Variants in PODXL observed in about 807,000 individuals in gnomAD.
The protein encoded by PODXL is podocalyxin.
Under a neutral mutation model 48.9 loss-of-function variants are expected in PODXL, and 20 were observed. The observed-to-expected ratio is 0.41, with a 90% confidence interval of 0.29 to 0.59. The LOEUF is 0.59. Ranked by LOEUF, PODXL falls within the 20% of genes least tolerant of loss-of-function variation. The pLI, the probability that PODXL is intolerant of heterozygous loss-of-function variation, is 0.31. For missense variants in PODXL, 606 were observed against 675.1 expected (o/e 0.90, Z 1.13); for synonymous variants, 295 against 287.4 (o/e 1.03, Z -0.27).
chr7:131,502,380 C>T lies in PODXL; in HGVS notation c.*1931G>A, dbSNP rs559174485. On this transcript the variant is annotated 3_prime_UTR_variant, in exon 9 of 9. Transcript: ENST00000378555. The stretch of plus-strand genomic sequence containing the variant: ...ACTTGTTAGCCTCGCATCCCTCTAA[C>T]TCCTGGGAAACTCGCTGGGGCCCTA... The T allele has an allele frequency of 6.6e-6, 1 of 152,420 alleles. No individual in the cohort carries two copies. Among genetic ancestry groups the T allele is most frequent in the South Asian group, 2.1e-4 (1 of 4,828 alleles). The allele number at this position is 152,420 out of a possible 1,614,324, so 9.4% of individuals were successfully genotyped here.
chr7:131,542,880 G>A (rs1194157880), intron 1 of PODXL, among the ~76,000 whole-genome samples: 3 of 152,112 alleles, frequency 2.0e-5, no homozygotes, highest in Non-Finnish European at 4.4e-5. Context: ...ATCCTGGTCC[G>A]AGGAGCTGTC....
At chr7:131,530,354 C>T (rs944907811) in intron 1 of PODXL, among the ~76,000 whole-genome samples, 7 of 152,056 alleles carry the variant, frequency 4.6e-5, no homozygotes, top group Admixed American at 2.0e-4. Flanking sequence ...TGCCCTCTCT[C>T]GCCCCTGCAT....
At position 131,506,607 on chromosome 7, in the gene PODXL, G is replaced by A. The variant is rs113941139; in HGVS notation, c.1221C>T (p.Thr407=). 39 of 1,614,138 alleles carry A rather than the reference G, an allele frequency of 2.4e-5. No homozygotes were observed. The highest frequency in any genetic ancestry group is 1.8e-4 in the South Asian group (16 of 91,082). ...IRLASVPGSQ[T]VVVKEITIHT... ...GAATAGTGATTTCTTTGACGACCACGGTCTGACTTCCTGGAACAGATGCCA... is the reference window on the plus strand; with the variant it reads ...GAATAGTGATTTCTTTGACGACCACAGTCTGACTTCCTGGAACAGATGCCA... The change falls in exon 6 of 9, where the codon ACC becomes ACT. Residue 407 remains threonine, a synonymous_variant. Coordinates refer to ENST00000378555, the MANE Select transcript of PODXL (RefSeq NM_001018111.3).
intron 1 of PODXL, among the ~76,000 whole-genome samples, chr7:131,514,369 T>C (rs1322080556): frequency 1.3e-5 from 2 of 152,062 alleles, no homozygotes; most frequent in Non-Finnish European, 2.9e-5. Context: ...GCCAAGATTG[T>C]GCCACTGCAC....
Position 131,539,058 on chromosome 7 carries a change from T to C in PODXL, c.100+17202A>G, listed in dbSNP as rs555918073. On this transcript the variant is annotated intron_variant, in intron 1 of 8. Coordinates refer to ENST00000378555, the MANE Select transcript of PODXL (RefSeq NM_001018111.3). ...GGACAGGGCTGATGCCTGGATGCCT[T>C]CGCTAACCTCGCCTGCCCAAGATGG... Among the ~76,000 whole-genome samples the C allele has an allele frequency of 9.8e-5, 15 of 152,288 alleles. No homozygotes were observed. In the South Asian group the frequency reaches 3.1e-3, roughly 32 times the overall value.
chr7:131,510,777 C>A lies in PODXL; in HGVS notation c.706+51G>T, dbSNP rs749241025. 3.1e-6 allele frequency: 5 copies of A among 1,608,852 alleles called. No homozygotes were observed. The East Asian group carries it at 1.1e-4, about 36-fold the overall frequency. ...CATGAGCCTTTTCAGAGCCATCACG[C>A]CTGGCCCTGAAAAGTTTCTTGGTGC... On this transcript the variant is annotated intron_variant, in intron 2 of 8. Coordinates refer to ENST00000378555, the MANE Select transcript of PODXL (RefSeq NM_001018111.3).
At chr7:131,554,212 G>C (rs560731811) in intron 1 of PODXL, among the ~76,000 whole-genome samples, 1 of 152,098 alleles carries the variant, frequency 6.6e-6, no homozygotes, top group African/African-American at 2.4e-5. Context: ...GTCCCTAGAG[G>C]GTGGTGTAGA....
chr7:131,518,315 T>C (rs747769460), intron 1 of PODXL, among the ~76,000 whole-genome samples: 24 of 152,312 alleles, frequency 1.6e-4, no homozygotes, highest in Non-Finnish European at 2.8e-4. Flanking sequence ...GAGAAAGTAA[T>C]GTATTAAAAA....
chr7:131,506,840 C>T (rs1797814407), intron 5 of PODXL, 114 bp from the exon 6 acceptor site: 3 of 1,155,504 alleles, frequency 2.6e-6, no homozygotes, highest in Admixed American at 1.9e-5. Flanking sequence ...TAGAACCTGC[C>T]TCCCTCTCTA....
chr7:131,551,529 C>T (rs1288833359), intron 1 of PODXL, among the ~76,000 whole-genome samples: 2 of 152,194 alleles, frequency 1.3e-5, no homozygotes, highest in Admixed American at 1.3e-4. Flanking sequence ...CTGAAGAGGG[C>T]CTCTGCCTCA....
At chr7:131,540,831 G>A (rs1466378052) in intron 1 of PODXL, among the ~76,000 whole-genome samples, 1 of 152,216 alleles carries the variant, frequency 6.6e-6, no homozygotes, top group East Asian at 1.9e-4. Flanking sequence ...GAGCCAGAGG[G>A]AAGTCCCGCA....
intron 1 of PODXL, among the ~76,000 whole-genome samples, chr7:131,540,456 C>T (rs1276427161): frequency 6.6e-6 from 1 of 151,904 alleles, no homozygotes; most frequent in Non-Finnish European, 1.5e-5. Flanking sequence ...AGTGTTCTAC[C>T]CTGCCCCCGC....
intron 1 of PODXL, among the ~76,000 whole-genome samples, chr7:131,534,628 G>A (rs1176436798): frequency 6.6e-6 from 1 of 152,222 alleles, no homozygotes; most frequent in East Asian, 1.9e-4. Context: ...CCTCCTCAGG[G>A]AAATGAAGCT....
intron 1 of PODXL, among the ~76,000 whole-genome samples, chr7:131,517,463 C>T (rs540356610): frequency 2.0e-4 from 30 of 152,310 alleles, no homozygotes; most frequent in African/African-American, 6.5e-4. Context: ...TCCCAGAACT[C>T]GATGTTTTCA....
Position 131,510,813 on chromosome 7 carries a change from C to G in PODXL, c.706+15G>C, listed in dbSNP as rs748954457. On this transcript the variant is annotated intron_variant, in intron 2 of 8. Coordinates refer to ENST00000378555, the MANE Select transcript of PODXL (RefSeq NM_001018111.3). ...AAAGTTTCTTGGTGCTTGAAGAAAA[C>G]CAGGCATTACTTACGTAGGGTGGTG... The G allele has an allele frequency of 1.2e-6, 2 of 1,613,880 alleles. No individual in the cohort carries two copies. Among genetic ancestry groups the G allele is most frequent in the Non-Finnish European group, 1.7e-6 (2 of 1,179,968 alleles).
intron 1 of PODXL, among the ~76,000 whole-genome samples, chr7:131,530,642 G>A (rs1469739545): frequency 1.3e-5 from 2 of 151,662 alleles, no homozygotes; most frequent in African/African-American, 4.9e-5. Flanking sequence ...AGCTACTCAC[G>A]ATGAGGTAGG....
intron 1 of PODXL, among the ~76,000 whole-genome samples, chr7:131,526,238 G>T (rs1392828239): frequency 2.0e-5 from 3 of 152,136 alleles, no homozygotes; most frequent in Non-Finnish European, 2.9e-5. Flanking sequence ...GAAGAGGAAG[G>T]CAAGTTCAGC....
At chr7:131,520,173 C>T (rs555434099) in intron 1 of PODXL, 5 of 261,602 alleles carry the variant, frequency 1.9e-5, no homozygotes, top group South Asian at 1.5e-4. Context: ...GAAGAAAGGC[C>T]GTTCTACCAT....
At chr7:131,508,511 C>T (rs1263165343) in intron 5 of PODXL, among the ~76,000 whole-genome samples, 1 of 152,172 alleles carries the variant, frequency 6.6e-6, no homozygotes, top group Non-Finnish European at 1.5e-5. Context: ...CCTGCCTCAG[C>T]TTCTCAAAGT....
Sources: allele counts gnomAD v4.1 joint callset (sites outside exome capture counted in the v4.1 genomes callset), GRCh38; gene constraint gnomAD v4.1.1; transcripts MANE v1.5; gene names NCBI Gene and HGNC (gene_info 2026-07-23, HGNC 2026-07-21).